LILRA6: variants seen among roughly 807,000 people sequenced by gnomAD.
LILRA6 encodes leukocyte immunoglobulin-like receptor subfamily A member 6.
A neutral mutation model predicts 53.9 loss-of-function variants in LILRA6; 16 were observed. The ratio of observed to expected loss-of-function variants is 0.30; its 90% CI spans 0.20 to 0.45. The LOEUF is 0.45. LILRA6 is among the 20% of genes least tolerant of loss of function. LILRA6 has a pLI of 1.00. For synonymous variants in LILRA6, 135 were observed against 256.4 expected, an observed-to-expected ratio of 0.53 and a Z score of 4.52; for missense variants, 306 against 618.6, an observed-to-expected ratio of 0.49 and a Z score of 5.36.
At chr19:54,239,360 T>C (rs1351954864) in intron 7 of LILRA6, 1 of 954,664 alleles carries the variant, frequency 1.0e-6, no homozygotes, top group East Asian at 2.9e-5. Context: ...TTTTACGGAG[T>C]TCCTCAATAA....
chr19:54,239,191 G>T (rs1174989370), intron 7 of LILRA6, 102 bp from the exon 8 acceptor site: 3 of 1,582,136 alleles, frequency 1.9e-6, no homozygotes, highest in Non-Finnish European at 2.6e-6. Flanking sequence ...GCCATTGACA[G>T]AACCTGACCC....
At chr19:54,239,462 A>G in intron 7 of LILRA6, 1 of 620,162 alleles carries the variant, frequency 1.6e-6, no homozygotes, top group Non-Finnish European at 2.7e-6. Flanking sequence ...GCTGCTCCTG[A>G]GCCATTTCCT....
intron 7 of LILRA6, 175 bp downstream of exon 7, chr19:54,239,725 TC>T (rs1223220406): frequency 1.3e-6 from 2 of 1,549,948 alleles, no homozygotes; most frequent in African/African-American, 2.8e-5. Context: ...GCCCGGCTCC[TC>T]CTCCTGGCTG....
Position 54,242,743 on chromosome 19 carries a change from G to A in LILRA6, c.9C>T (p.Pro3=), listed in dbSNP as rs777955658. Residue 3 remains proline (P), a synonymous_variant, in exon 1 of 8, where the codon CCC becomes CCT. Transcript: ENST00000396365. ...CTAGGCAGAGCAGGGCTGCGAGGGT[G>A]GGGGTCATGGCGTCTCCTCCTGGTG... 4.9e-3 allele frequency: 5,255 copies of A among 1,065,480 alleles called. 1,822 individuals carry two copies. The highest frequency in any genetic ancestry group is 0.044 in the African/African-American group (2,320 of 52,368). 66.0% of individuals were successfully genotyped at this position (1,065,480 alleles called of 1,614,324 possible). A position where few individuals can be genotyped will look rare whatever the true frequency, so the allele number is the denominator to read the frequency against.
At chr19:54,238,017 C>CTTTTTTTTTTTTTTTTTT (rs11458700), downstream of LILRA6, 1 of 143,440 alleles carries the variant, frequency 7.0e-6, no homozygotes. Context: ...TGTGTCTCTT[C>CTTTTTTTTTTTTTTTTTT]TTTTTTTTTT....
At chr19:54,238,057 G>A (rs1260357803), downstream of LILRA6, 1 of 136,172 alleles carries the variant, frequency 7.3e-6, no homozygotes, top group Non-Finnish European at 1.5e-5. Flanking sequence ...GTCTCGTACT[G>A]TCACCTGGGC....
chr19:54,240,490 A>C lies in LILRA6; in HGVS notation c.1042T>G (p.Trp348Gly), dbSNP rs1052984. The change falls in exon 6 of 8, where the codon TGG (tryptophan) becomes GGG (glycine). Residue 348 changes from tryptophan (W) to glycine (G), a missense_variant. Trp to Gly is a radical substitution (Grantham distance 184, BLOSUM62 -2). This residue lies in a region of LILRA6 where 106 missense variants were observed against 196.8 expected (regional missense o/e 0.54). Coordinates refer to ENST00000396365, the Ensembl canonical transcript of LILRA6. Reference sequence around the variant, plus strand: ...AGAAGGAAAGTGTCAAACTGCCACCATGACTGACACAGCAGGGTCACGTTC... The same window carrying C: ...AGAAGGAAAGTGTCAAACTGCCACCCTGACTGACACAGCAGGGTCACGTTC... 9 of 1,273,148 alleles carry C rather than the reference A, an allele frequency of 7.1e-6. 2 individuals carry two copies. In the South Asian group the frequency reaches 7.5e-5, roughly 11 times the overall value. The allele number at this position is 1,273,148 out of a possible 1,614,324, so 78.9% of individuals were successfully genotyped here. A position where few individuals can be genotyped will look rare whatever the true frequency, so the allele number is the denominator to read the frequency against.
chr19:54,241,001 C>G (rs376264079), exon 5 of LILRA6: 51 of 1,613,594 alleles, frequency 3.2e-5, no homozygotes, highest in Non-Finnish European at 4.2e-5. Context: ...GAGGAAGTCA[C>G]GTTCCCCCTC....
chr19:54,241,761 T>C lies in LILRA6; in HGVS notation c.473A>G (p.Glu158Gly), dbSNP rs2147538915. Residue 158 changes from glutamate (E) to glycine (G), a missense_variant, in exon 4 of 8, where the codon GAA becomes GGA. Coordinates refer to ENST00000396365, the Ensembl canonical transcript of LILRA6. ...GGTCCGGGGGAGCTGGTGTTCTCCT[T>C]CCTTCATCAGAACAAAATGGTGATA... is the stretch of plus-strand genomic sequence containing the variant. 2.8e-6 allele frequency: 4 copies of C among 1,426,026 alleles called. 1 individual carries two copies. Among genetic ancestry groups the C allele is most frequent in the Non-Finnish European group, 3.8e-6 (4 of 1,046,040 alleles). 88.3% of individuals were successfully genotyped at this position (1,426,026 alleles called of 1,614,324 possible).
intron 7 of LILRA6, 199 bp from the exon 8 acceptor site, chr19:54,239,288 G>A (rs10402260): frequency 0.066 from 96,935 of 1,465,928 alleles, 6,564 homozygotes; most frequent in African/African-American, 0.26. Flanking sequence ...GAAGGGGAGA[G>A]CCCTGAGCCA....
intron 7 of LILRA6, chr19:54,239,359 G>A: frequency 2.1e-6 from 2 of 966,648 alleles, no homozygotes; most frequent in African/African-American, 1.7e-5. Flanking sequence ...CTTTTACGGA[G>A]TTCCTCAATA....
At chr19:54,240,368 T>G (rs369912080) in exon 6 of LILRA6, 1 of 1,580,936 alleles carries the variant, frequency 6.3e-7, no homozygotes, top group African/African-American at 1.4e-5. Context: ...CCGCGTGGGC[T>G]GAGGTCACAG....
At chr19:54,240,519 C>T (rs2078728006) in exon 6 of LILRA6, 3 of 1,608,660 alleles carry the variant, frequency 1.9e-6, no homozygotes, top group Non-Finnish European at 2.5e-6. Flanking sequence ...CACGTTCTCT[C>T]CTGAGGCCAC....
chr19:54,239,483 G>T, intron 7 of LILRA6: 1 of 635,436 alleles, frequency 1.6e-6, no homozygotes, highest in Non-Finnish European at 2.6e-6. Flanking sequence ...CCCTCCCATG[G>T]GCTGGATTCT....
chr19:54,241,147 A>G lies in LILRA6; in HGVS notation c.659-20T>C. On this transcript the variant is annotated intron_variant, in intron 4 of 7. Transcript: ENST00000396365. ...ACACGCCTGGAGGGAAAGAGGAGCC[A>G]GGACTGAGAGGGCTGGTTCCTCCCA... 1.3e-6 allele frequency: 2 copies of G among 1,525,992 alleles called. No homozygotes were observed. The highest frequency in any genetic ancestry group is 1.8e-6 in the Non-Finnish European group (2 of 1,132,654). The allele number at this position is 1,525,992 out of a possible 1,614,324, so 94.5% of individuals were successfully genotyped here.
chr19:54,239,221 T>C, intron 7 of LILRA6, 132 bp from the exon 8 acceptor site: 1 of 1,550,444 alleles, frequency 6.4e-7, no homozygotes, highest in Non-Finnish European at 8.7e-7. Flanking sequence ...GCCCCATAAC[T>C]GTCTGACTTG....
At chr19:54,240,462 G>C in exon 6 of LILRA6, 1 of 1,595,556 alleles carries the variant, frequency 6.3e-7, no homozygotes, top group Non-Finnish European at 8.5e-7. Context: ...CCCTTCTTTG[G>C]TCAGAAGGAA....
Position 54,241,824 on chromosome 19 carries a change from C to A in LILRA6, c.410G>T (p.Gly137Val), listed in dbSNP as rs753912487. 7.5e-6 allele frequency: 10 copies of A among 1,328,534 alleles called. 1 individual carries two copies. The highest frequency in any genetic ancestry group is 7.3e-6 in the Non-Finnish European group (7 of 963,436). 82.3% of individuals were successfully genotyped at this position (1,328,534 alleles called of 1,614,324 possible). A position where few individuals can be genotyped will look rare whatever the true frequency, so the allele number is the denominator to read the frequency against. The change falls in exon 4 of 8, where the codon GGG (glycine) becomes GTG (valine). Residue 137 changes from glycine (G) to valine (V), a missense_variant. Gly to Val is a moderately radical substitution (Grantham distance 109). Transcript: ENST00000396365. ...GCCACATTGGAGGGTCATATTCCCC[C>A]CTGAGGCCACCACAGGGCTGGGCAG...
Position 54,242,444 on chromosome 19 carries a change from C to G in LILRA6, c.70+75G>C, listed in dbSNP as rs1364785195. 2 of 1,075,518 alleles carry G rather than the reference C, an allele frequency of 1.9e-6. 1 individual carries two copies. Among genetic ancestry groups the G allele is most frequent in the African/African-American group, 3.8e-5 (2 of 52,544 alleles). The allele number at this position is 1,075,518 out of a possible 1,614,324, so 66.6% of individuals were successfully genotyped here. On this transcript the variant is annotated intron_variant, in intron 2 of 7. Coordinates refer to ENST00000396365, the Ensembl canonical transcript of LILRA6. ...CCTCCCCACCCAGAACTGCTGTCTC[C>G]TCCCCCAGCTGCCCATGTGTGGCCC...
Sources: allele counts gnomAD v4.1 joint callset, GRCh38; gene constraint gnomAD v4.1.1; regional missense constraint gnomAD v4.1.1; transcripts MANE v1.5; gene names NCBI Gene and HGNC (gene_info 2026-07-23, HGNC 2026-07-21).